Variants in PHF6 observed in about 807,000 individuals in gnomAD.
PHF6 encodes PHD finger protein 6, also known as PHD-like zinc finger protein.
A neutral mutation model predicts 34.0 loss-of-function variants in PHF6; 7 were observed. The observed-to-expected ratio is 0.21, with a 90% CI of 0.12 to 0.39. The LOEUF is 0.39. Among genes scored for constraint, PHF6 ranks in the 10% least tolerant of loss-of-function variants. PHF6 has a pLI of 1.00. For synonymous variants in PHF6, 89 were observed against 88.4 expected (o/e 1.01, Z -0.04); for missense variants, 128 against 262.8 (o/e 0.49, Z 3.55).
chrX:134,386,259 G>C (rs1404830253), intron 3 of PHF6, among the ~76,000 whole-genome samples: 1 of 111,640 alleles, frequency 9.0e-6, no homozygotes, highest in South Asian at 3.8e-4. Context: ...CTGCCACTTT[G>C]CTTTCTGCAA....
intron 3 of PHF6, 140 bp from the exon 4 acceptor site, chrX:134,393,361 A>G: frequency 1.6e-6 from 1 of 617,208 alleles, no homozygotes; most frequent in Non-Finnish European, 2.5e-6. Context: ...CTAAGGAGAG[A>G]AAACAAGAAA....
At position 134,426,364 on chromosome X, in the gene PHF6, T is replaced by A. The variant is rs2077507556; in HGVS notation, c.*704T>A. ...GACTTCTGGCAAAATGATTGAGTCCTTCAAGTTTAAACTAACATTTGGCAA... is the reference window on the plus strand; with the variant it reads ...GACTTCTGGCAAAATGATTGAGTCCATCAAGTTTAAACTAACATTTGGCAA... On this transcript the variant is annotated 3_prime_UTR_variant, in exon 11 of 11. Coordinates refer to ENST00000370803, the MANE Select transcript of PHF6 (RefSeq NM_001015877.2). 1 of 158,672 alleles carries A rather than the reference T, an allele frequency of 6.3e-6. No homozygotes were observed. Among genetic ancestry groups the A allele is most frequent in the African/African-American group, 3.0e-5 (1 of 33,098 alleles). 13.1% of individuals were successfully genotyped at this position (158,672 alleles called of 1,213,427 possible).
At chrX:134,418,839 C>CCT (rs1439336926) in intron 9 of PHF6, 1 of 97,783 alleles carries the variant, frequency 1.0e-5, no homozygotes, top group African/African-American at 3.7e-5. Context: ...CCAATCTCCC[C>CCT]TTTTTTTTTT....
chrX:134,414,724 T>A (rs2077465859), intron 7 of PHF6, among the ~76,000 whole-genome samples: 1 of 111,690 alleles, frequency 9.0e-6, no homozygotes, highest in Non-Finnish European at 1.9e-5. Flanking sequence ...TAAAACTTTG[T>A]GGAAATGTAA....
chrX:134,392,815 T>G (rs2077360737), intron 3 of PHF6, among the ~76,000 whole-genome samples: 1 of 110,499 alleles, frequency 9.0e-6, no homozygotes, highest in Admixed American at 9.6e-5. Flanking sequence ...TTTTTTTTTT[T>G]TTTAGACGGA....
At chrX:134,380,764 A>G (rs1399094547) in intron 3 of PHF6, among the ~76,000 whole-genome samples, 2 of 112,436 alleles carry the variant, frequency 1.8e-5, no homozygotes, top group African/African-American at 6.5e-5. Context: ...AATTATTGCC[A>G]GAATTAAAAG....
At chrX:134,414,226 T>C in intron 7 of PHF6, among the ~76,000 whole-genome samples, 1 of 111,604 alleles carries the variant, frequency 9.0e-6, no homozygotes, top group Non-Finnish European at 1.9e-5. Flanking sequence ...GTTACTGTAG[T>C]TAGGATAATC....
Position 134,378,024 on chromosome X carries a change from TATC to T in PHF6, c.163_165del (p.Ser55del). ...TTATAGCTCTTTTCATCTGCTTTGG[TATC>T]ATCACACTCTGATAATGAAAGTCTT... On this transcript the variant is annotated inframe_deletion, in exon 3 of 11. Coordinates refer to ENST00000370803, the MANE Select transcript of PHF6 (RefSeq NM_001015877.2). The T allele has an allele frequency of 8.4e-7, 1 of 1,197,534 alleles. No homozygotes were observed. The highest frequency in any genetic ancestry group is 1.1e-6 in the Non-Finnish European group (1 of 887,112).
intron 9 of PHF6, 96 bp from the exon 10 acceptor site, chrX:134,425,105 G>A: frequency 9.4e-7 from 1 of 1,061,505 alleles, no homozygotes. Context: ...GGAAACCCAT[G>A]TTTTAAATGG....
chrX:134,373,955 C>T (rs2077268078), intron 1 of PHF6, among the ~76,000 whole-genome samples: 1 of 107,634 alleles, frequency 9.3e-6, no homozygotes, highest in African/African-American at 3.4e-5. Context: ...GGGGAGGGGG[C>T]ATAAAGAAAG....
intron 5 of PHF6, among the ~76,000 whole-genome samples, chrX:134,404,428 T>C (rs777738520): frequency 8.9e-6 from 1 of 112,165 alleles, no homozygotes; most frequent in African/African-American, 3.2e-5. Context: ...TTGCTTCTTA[T>C]GGATGAACAA....
intron 3 of PHF6, among the ~76,000 whole-genome samples, chrX:134,379,080 T>G (rs2077292182): frequency 8.9e-6 from 1 of 112,394 alleles, no homozygotes; most frequent in Admixed American, 9.5e-5. Context: ...AATAACCTCT[T>G]ATTTCACAAA....
chrX:134,377,549 G>T, intron 1 of PHF6, 23 bp from the exon 2 acceptor site: 6 of 1,043,334 alleles, frequency 5.8e-6, no homozygotes, highest in Non-Finnish European at 7.8e-6. Context: ...AATTAACATT[G>T]TCGCCCTTCT....
chrX:134,392,623 A>C (rs1340770440), intron 3 of PHF6, among the ~76,000 whole-genome samples: 3 of 111,660 alleles, frequency 2.7e-5, no homozygotes, highest in Non-Finnish European at 3.8e-5. Context: ...AATACTGTGC[A>C]TATTTTCATA....
chrX:134,387,685 G>T (rs942881200), intron 3 of PHF6, among the ~76,000 whole-genome samples: 2 of 112,107 alleles, frequency 1.8e-5, no homozygotes, highest in African/African-American at 3.2e-5. Context: ...GTGATATTCT[G>T]AGCAAGGTCA....
intron 5 of PHF6, among the ~76,000 whole-genome samples, chrX:134,406,897 T>C (rs991384101): frequency 1.8e-5 from 2 of 112,515 alleles, no homozygotes; most frequent in Non-Finnish European, 3.7e-5. Context: ...TTCTGAATTC[T>C]TTTGCTAAAA....
chrX:134,384,659 C>CT (rs1360717701), intron 3 of PHF6, among the ~76,000 whole-genome samples: 28 of 97,557 alleles, frequency 2.9e-4, no homozygotes, highest in East Asian at 6.2e-4. Flanking sequence ...CTTTCTTTTT[C>CT]TTTTTTTTTT....
intron 3 of PHF6, among the ~76,000 whole-genome samples, chrX:134,391,208 A>G (rs908561410): frequency 2.7e-5 from 3 of 110,873 alleles, no homozygotes; most frequent in Non-Finnish European, 5.7e-5. Context: ...TCCTGACCTC[A>G]GGTGATGCGC....
chrX:134,419,961 T>A (rs2077485098), intron 9 of PHF6: 1 of 111,786 alleles, frequency 8.9e-6, no homozygotes, highest in Non-Finnish European at 1.9e-5. Flanking sequence ...AGAGGATTGC[T>A]TGAGGCCAGG....
Sources: allele counts gnomAD v4.1 joint callset (sites outside exome capture counted in the v4.1 genomes callset), GRCh38; gene constraint gnomAD v4.1.1; transcripts MANE v1.5; gene names NCBI Gene and HGNC (gene_info 2026-07-23, HGNC 2026-07-21).